NUFIP2: variants seen among roughly 807,000 people sequenced by gnomAD.
The protein encoded by NUFIP2 is nuclear FMR1 interacting protein 2.
In NUFIP2, 6 loss-of-function variants were observed where a neutral mutation model predicts 56.9. The ratio of observed to expected loss-of-function variants is 0.11; its 90% CI spans 0.06 to 0.21. The LOEUF (loss-of-function observed/expected upper bound fraction) is 0.21, where lower values mean the gene tolerates loss of function less well. NUFIP2 is among the 10% of genes least tolerant of loss of function. The probability of loss-of-function intolerance (pLI) is 1.00; values close to 1 mark genes in which losing one functional copy is unlikely to be tolerated. For synonymous variants in NUFIP2, 321 were observed against 298.2 expected (o/e 1.08, Z -0.79); for missense variants, 828 against 826.8 (o/e 1.00, Z -0.02).
At chr17:29,281,909 T>C (rs12951799) in intron 2 of NUFIP2, among the ~76,000 whole-genome samples, 33,749 of 151,280 alleles carry the variant, frequency 0.22, 4,200 homozygotes, top group South Asian at 0.35. Context: ...GGACTACAGG[T>C]GCCTGCTACC....
Position 29,293,811 on chromosome 17 carries a change from C to A in NUFIP2, c.249G>T (p.Gln83His). ...LKHEQKHTLQ[Q>H]HQETPKKKTG... ...TTTTCTTCTTCGGCGTTTCCTGGTG[C>A]TGCTGGAGGGTGTGTTTCTGCTCAT... The change falls in exon 1 of 4, where the codon CAG (glutamine) becomes CAT (histidine). Residue 83 changes from glutamine (Q) to histidine (H), a missense_variant. Transcript: ENST00000225388. 1 of 1,404,918 alleles carries A rather than the reference C, an allele frequency of 7.1e-7. No homozygotes were observed. Among genetic ancestry groups the A allele is most frequent in the South Asian group, 1.1e-5 (1 of 87,250 alleles). 87.0% of individuals were successfully genotyped at this position (1,404,918 alleles called of 1,614,324 possible).
At chr17:29,287,822 G>C in intron 1 of NUFIP2, 106 bp from the exon 2 acceptor site, 1 of 1,060,088 alleles carries the variant, frequency 9.4e-7, no homozygotes, top group Non-Finnish European at 1.3e-6. Flanking sequence ...ACTATGCTAT[G>C]AGCTGTAGCT....
rs1435054381 is a variant in NUFIP2 at position 29,287,396 on chromosome 17, T to C, written c.598A>G (p.Asn200Asp). The change falls in exon 2 of 4, where the codon AAT (asparagine) becomes GAT (aspartate). Residue 200 changes from asparagine to aspartate, a missense_variant. By Grantham distance (23) the Asn-to-Asp change is conservative. This residue lies in a region of NUFIP2 where 415 missense variants were observed against 408.7 expected (regional missense o/e 1.02). Transcript: ENST00000225388. ...TCTGCTCCTTTACCCATATAACCAT[T>C]AGTAATATAACCAGAATTATTTGTT... ...VVTNNSGYITNGYMGKGADND... is the reference protein window; with the variant it reads ...VVTNNSGYITDGYMGKGADND... 1.9e-6 allele frequency: 3 copies of C among 1,614,054 alleles called. No individual in the cohort carries two copies. The highest frequency in any genetic ancestry group is 2.5e-6 in the Non-Finnish European group (3 of 1,179,904).
chr17:29,275,925 G>A (rs2069105063), intron 2 of NUFIP2, among the ~76,000 whole-genome samples: 1 of 151,820 alleles, frequency 6.6e-6, no homozygotes, highest in Non-Finnish European at 1.5e-5. Context: ...CTACTCAGGA[G>A]GCTGAGGCAG....
At chr17:29,291,453 C>CAA (rs60504622) in intron 1 of NUFIP2, among the ~76,000 whole-genome samples, 2,297 of 152,274 alleles carry the variant, frequency 0.015, 49 homozygotes, top group African/African-American at 0.052. Context: ...TAGTTATTAG[C>CAA]ATTATGCATG....
At chr17:29,290,104 C>T (rs1371039938) in intron 1 of NUFIP2, among the ~76,000 whole-genome samples, 1 of 151,892 alleles carries the variant, frequency 6.6e-6, no homozygotes, top group African/African-American at 2.4e-5. Context: ...TGGCTGGTTT[C>T]GAACTCCTGA....
In NUFIP2 at chr17:29,287,069, C is replaced by G. The variant is rs1370455172; in HGVS notation, c.925G>C (p.Gly309Arg). ...MLRKSSDSKP[G>R]VSSKKFDDRP... The stretch of plus-strand genomic sequence containing the variant: ...TCATCAAACTTTTTGCTGCTCACAC[C>G]AGGTTTACTATCTGAGCTTTTCCGA... Residue 309 changes from glycine (G) to arginine (R), a missense_variant, in exon 2 of 4, where the codon GGT becomes CGT. Physicochemically the swap from Gly to Arg is moderately radical, Grantham distance 125. This residue lies in a region of NUFIP2 where 415 missense variants were observed against 408.7 expected (regional missense o/e 1.02). Transcript: ENST00000225388. 1 of 1,614,186 alleles carries G rather than the reference C, an allele frequency of 6.2e-7. No homozygotes were observed. Among genetic ancestry groups the G allele is most frequent in the East Asian group, 2.2e-5 (1 of 44,886 alleles).
Position 29,257,658 on chromosome 17 carries a change from G to A in NUFIP2, c.*6881C>T, listed in dbSNP as rs992761702. 2.0e-5 allele frequency: 3 copies of A among 152,094 alleles called. No individual in the cohort carries two copies. Among genetic ancestry groups the A allele is most frequent in the African/African-American group, 4.8e-5 (2 of 41,426 alleles). 9.4% of individuals were successfully genotyped at this position (152,094 alleles called of 1,614,324 possible). ...GAAAGAGCTGATAACTTGGATCATAGCTCACACAGAATTCCAAATTAAAGT... is the reference window on the plus strand; with the variant it reads ...GAAAGAGCTGATAACTTGGATCATAACTCACACAGAATTCCAAATTAAAGT... On this transcript the variant is annotated 3_prime_UTR_variant, in exon 4 of 4. Coordinates refer to ENST00000225388, the MANE Select transcript of NUFIP2 (RefSeq NM_020772.3).
Position 29,258,937 on chromosome 17 carries a change from T to C in NUFIP2, c.*5602A>G, listed in dbSNP as rs1185988571. 1.3e-5 allele frequency: 2 copies of C among 152,204 alleles called. No homozygotes were observed. Among genetic ancestry groups the C allele is most frequent in the Non-Finnish European group, 2.9e-5 (2 of 68,030 alleles). 9.4% of individuals were successfully genotyped at this position (152,204 alleles called of 1,614,324 possible). On this transcript the variant is annotated 3_prime_UTR_variant, in exon 4 of 4. Coordinates refer to ENST00000225388, the MANE Select transcript of NUFIP2 (RefSeq NM_020772.3). ...ATCTAATGAAATGTATTCAAGATCA[T>C]GAAAGGATCCTCCTCTATGAAGGAT...
intron 1 of NUFIP2, 137 bp downstream of exon 1, chr17:29,293,646 A>T: frequency 1.1e-6 from 1 of 919,628 alleles, no homozygotes; most frequent in Non-Finnish European, 1.6e-6. Flanking sequence ...CTAGAATGAA[A>T]GGGGCATCCC....
intron 2 of NUFIP2, 152 bp downstream of exon 2, chr17:29,285,840 C>A: frequency 1.7e-6 from 1 of 593,552 alleles, no homozygotes; most frequent in Non-Finnish European, 2.9e-6. Context: ...TTCCAAGGAC[C>A]CTGAATTAGT....
At chr17:29,269,368 G>A (rs945822773) in intron 2 of NUFIP2, among the ~76,000 whole-genome samples, 16 of 152,170 alleles carry the variant, frequency 1.1e-4, no homozygotes, top group Non-Finnish European at 1.3e-4. Flanking sequence ...TAATCCCTCC[G>A]TAGGACAAAA....
At chr17:29,265,849 A>C (rs2153010749) in intron 3 of NUFIP2, among the ~76,000 whole-genome samples, 1 of 152,096 alleles carries the variant, frequency 6.6e-6, no homozygotes, top group East Asian at 1.9e-4. Context: ...ATAATATAAT[A>C]ATATCCTTTC....
intron 2 of NUFIP2, among the ~76,000 whole-genome samples, chr17:29,271,357 T>A (rs1264751486): frequency 1.3e-5 from 2 of 151,820 alleles, no homozygotes; most frequent in Non-Finnish European, 2.9e-5. Context: ...GCCAACATGG[T>A]GAAACCCCGT....
intron 3 of NUFIP2, among the ~76,000 whole-genome samples, chr17:29,267,103 C>A (rs918062341): frequency 2.6e-5 from 4 of 151,948 alleles, no homozygotes; most frequent in African/African-American, 9.7e-5. Context: ...AGGGTCTCAC[C>A]ATGTTGGCCA....
intron 2 of NUFIP2, among the ~76,000 whole-genome samples, chr17:29,268,711 TAG>T (rs1253724883): frequency 6.6e-6 from 1 of 151,946 alleles, no homozygotes; most frequent in Non-Finnish European, 1.5e-5. Context: ...TTTTTTTTAG[TAG>T]AGAGGGGGTT....
rs1402275431 is a variant in NUFIP2 at position 29,256,638 on chromosome 17, C to T, written c.*7901G>A. 1 of 151,590 alleles carries T rather than the reference C, an allele frequency of 6.6e-6. No individual in the cohort carries two copies. The highest frequency in any genetic ancestry group is 1.5e-5 in the Non-Finnish European group (1 of 67,934). The allele number at this position is 151,590 out of a possible 1,614,324, so 9.4% of individuals were successfully genotyped here. On this transcript the variant is annotated 3_prime_UTR_variant, in exon 4 of 4. Coordinates refer to ENST00000225388, the MANE Select transcript of NUFIP2 (RefSeq NM_020772.3). ...ATATCTTCTACTTAAACATATTAGC[C>T]TCTCCTACAAAGGTCCTGAACCAAT...
intron 2 of NUFIP2, among the ~76,000 whole-genome samples, chr17:29,285,061 G>A (rs2069163882): frequency 6.6e-6 from 1 of 152,196 alleles, no homozygotes; most frequent in Non-Finnish European, 1.5e-5. Context: ...ACAGCACTTT[G>A]GGAAGCAGAG....
In NUFIP2 at chr17:29,261,514, CTGAGT is replaced by C. The variant is rs1429111931; in HGVS notation, c.*3020_*3024del. The C allele has an allele frequency of 6.6e-6, 1 of 152,116 alleles. No individual in the cohort carries two copies. Among genetic ancestry groups the C allele is most frequent in the Non-Finnish European group, 1.5e-5 (1 of 68,012 alleles). 9.4% of individuals were successfully genotyped at this position (152,116 alleles called of 1,614,324 possible). ...TGGTTTATGCTACAGTACTAATACT[CTGAGT>C]TGAAGGAAAATTCTTTATACCAAAC... On this transcript the variant is annotated 3_prime_UTR_variant, in exon 4 of 4. Transcript: ENST00000225388.
Sources: allele counts gnomAD v4.1 joint callset (sites outside exome capture counted in the v4.1 genomes callset), GRCh38; gene constraint gnomAD v4.1.1; regional missense constraint gnomAD v4.1.1; transcripts MANE v1.5; gene names NCBI Gene and HGNC (gene_info 2026-07-23, HGNC 2026-07-21).